The following RBFOX1 variants were observed in gnomAD, a reference collection of about 807,000 sequenced individuals.
RBFOX1 encodes RNA binding protein fox-1 homolog 1.
RBFOX1 carries 8 observed loss-of-function variants against 57.7 expected under a neutral mutation model. That is an observed-to-expected ratio of 0.14 (90% confidence interval 0.08 to 0.25). The LOEUF (loss-of-function observed/expected upper bound fraction) is 0.25, where lower values mean the gene tolerates loss of function less well. Ranked by LOEUF, RBFOX1 falls within the 10% of genes least tolerant of loss-of-function variation. The pLI is 1.00. For missense variants in RBFOX1, 611 were observed against 548.5 expected (o/e 1.11, Z -1.14); for synonymous variants, 326 against 222.4 (o/e 1.47, Z -4.15).
At chr16:6,802,184 A>C (rs2085634223) in intron 3 of RBFOX1, among the ~76,000 whole-genome samples, 1 of 152,082 alleles carries the variant, frequency 6.6e-6, no homozygotes, top group African/African-American at 2.4e-5. Context: ...CTTTGGTTGC[A>C]TCCCAGCCTT....
At chr16:7,334,737 T>G (rs1568265523) in intron 4 of RBFOX1, among the ~76,000 whole-genome samples, 2 of 152,200 alleles carry the variant, frequency 1.3e-5, no homozygotes, top group Non-Finnish European at 1.5e-5. Flanking sequence ...ACCCCAGTGA[T>G]AGATGAGAAG....
intron 2 of RBFOX1, among the ~76,000 whole-genome samples, chr16:6,442,291 C>T (rs1360553059): frequency 6.6e-6 from 1 of 152,182 alleles, no homozygotes; most frequent in African/African-American, 2.4e-5. Flanking sequence ...TGCACGGTGG[C>T]TCACACCTGT....
At chr16:6,607,170 T>TG (rs1241673294) in intron 2 of RBFOX1, among the ~76,000 whole-genome samples, 1 of 152,148 alleles carries the variant, frequency 6.6e-6, no homozygotes, top group Non-Finnish European at 1.5e-5. Context: ...AATTTGTGGG[T>TG]GAACAGATGA....
At chr16:5,352,876 G>A (rs1226320164) in intron 1 of RBFOX1, among the ~76,000 whole-genome samples, 4 of 152,202 alleles carry the variant, frequency 2.6e-5, no homozygotes, top group Admixed American at 6.5e-5. Context: ...CTGGGAGATT[G>A]AGGCTGCAGT....
intron 2 of RBFOX1, among the ~76,000 whole-genome samples, chr16:6,379,302 C>A (rs1216795898): frequency 1.3e-5 from 2 of 151,992 alleles, no homozygotes; most frequent in Non-Finnish European, 2.9e-5. Flanking sequence ...AGGAGAGAGG[C>A]AGGATAAAAA....
At chr16:5,687,237 A>G (rs1170905681) in intron 3 of RBFOX1, among the ~76,000 whole-genome samples, 1 of 152,182 alleles carries the variant, frequency 6.6e-6, no homozygotes, top group Non-Finnish European at 1.5e-5. Flanking sequence ...TAGGAGTGGA[A>G]CAGTAGGAGG....
intron 4 of RBFOX1, among the ~76,000 whole-genome samples, chr16:7,313,993 G>C (rs903234251): frequency 2.6e-5 from 4 of 152,142 alleles, no homozygotes; most frequent in Non-Finnish European, 4.4e-5. Flanking sequence ...CTTGCCAAAA[G>C]AGGAAAGAGT....
At chr16:6,076,425 G>A (rs1008553771) in intron 1 of RBFOX1, among the ~76,000 whole-genome samples, 3 of 152,042 alleles carry the variant, frequency 2.0e-5, no homozygotes, top group Admixed American at 6.6e-5. Context: ...GTAGGTTAGC[G>A]AGTGCCCATG....
chr16:7,175,025 A>G (rs1158706257), intron 4 of RBFOX1, among the ~76,000 whole-genome samples: 1 of 151,660 alleles, frequency 6.6e-6, no homozygotes, highest in Non-Finnish European at 1.5e-5. Context: ...TTTCAGGTGC[A>G]TGATCTTTAT....
At chr16:6,601,868 T>G (rs1375152052) in intron 2 of RBFOX1, among the ~76,000 whole-genome samples, 1 of 152,150 alleles carries the variant, frequency 6.6e-6, no homozygotes, top group African/African-American at 2.4e-5. Context: ...AAGAGGATGT[T>G]AAAGAGAGGG....
At chr16:5,553,722 C>G (rs927565056) in intron 2 of RBFOX1, among the ~76,000 whole-genome samples, 2 of 82,120 alleles carry the variant, frequency 2.4e-5, no homozygotes, top group Admixed American at 2.8e-4. Context: ...TGTATATACA[C>G]ATATATATGT....
chr16:7,201,073 C>G (rs1247998897), intron 4 of RBFOX1, among the ~76,000 whole-genome samples: 1 of 152,086 alleles, frequency 6.6e-6, no homozygotes, highest in African/African-American at 2.4e-5. Context: ...GTGGGAATCA[C>G]AAATATAAAT....
At chr16:6,824,983 G>T (rs1248770268) in intron 3 of RBFOX1, among the ~76,000 whole-genome samples, 27 of 36,904 alleles carry the variant, frequency 7.3e-4, no homozygotes, top group Admixed American at 1.4e-3. Context: ...TTCTTTCTTG[G>T]TTTTTTTTTT....
At chr16:7,065,753 C>A (rs2346258) in intron 4 of RBFOX1, among the ~76,000 whole-genome samples, 79,308 of 151,988 alleles carry the variant, frequency 0.52, 21,589 homozygotes, top group South Asian at 0.68. Context: ...CTGATGAACT[C>A]ATTCCTCCTG....
chr16:6,927,367 C>T (rs1375629699), intron 3 of RBFOX1, among the ~76,000 whole-genome samples: 3 of 142,808 alleles, frequency 2.1e-5, no homozygotes, highest in South Asian at 2.3e-4. Context: ...GAGCTGAGAT[C>T]GCACCGCTCC....
chr16:6,392,268 C>T (rs779510141), intron 2 of RBFOX1, among the ~76,000 whole-genome samples: 7 of 152,158 alleles, frequency 4.6e-5, no homozygotes, highest in Admixed American at 1.3e-4. Flanking sequence ...GAAGACACTG[C>T]GTCTTATTTT....
chr16:6,644,914 C>G (rs979259690), intron 2 of RBFOX1, among the ~76,000 whole-genome samples: 1 of 152,152 alleles, frequency 6.6e-6, no homozygotes, highest in African/African-American at 2.4e-5. Context: ...CTCCTTGATC[C>G]TCTGTATTTA....
At chr16:7,119,669 A>G (rs2066681581) in intron 4 of RBFOX1, among the ~76,000 whole-genome samples, 1 of 152,120 alleles carries the variant, frequency 6.6e-6, no homozygotes, top group African/African-American at 2.4e-5. Flanking sequence ...ACAATCTTAA[A>G]CAATCATGAT....
At position 5,329,777 on chromosome 16, in the gene RBFOX1, A is replaced by G. The variant is rs375713054; in HGVS notation, c.219+89672A>G. Among the ~76,000 whole-genome samples the G allele has an allele frequency of 2.8e-3, 423 of 152,258 alleles. 1 individual carries two copies. Among genetic ancestry groups the G allele is most frequent in the African/African-American group, 8.8e-3 (364 of 41,532 alleles). ...CACTTTGGGAGGCTGAGGCGGGTGG[A>G]TCAGGAGGTCAGGAGATCGAGACCA... On this transcript the variant is annotated intron_variant, in intron 1 of 2. Coordinates refer to the RBFOX1 transcript ENST00000585867.
Sources: gnomAD v4.1 joint callset for allele counts (sites outside exome capture counted in the v4.1 genomes callset) on GRCh38, gnomAD v4.1.1 for gene constraint, MANE v1.5 for transcripts, NCBI Gene and HGNC (gene_info 2026-07-23, HGNC 2026-07-21) for gene names.